The following CCDC141 variants were observed in gnomAD, a reference collection of about 807,000 sequenced individuals.
CCDC141 encodes the protein coiled-coil domain containing 141.
In CCDC141, 168 loss-of-function variants were observed where a neutral mutation model predicts 181.0. The observed-to-expected ratio is 0.93, with a 90% CI of 0.82 to 1.05. CCDC141 has a LOEUF of 1.05. Among genes scored for constraint, CCDC141 ranks in the 50% least tolerant of loss-of-function variants. The pLI is 0.00. For synonymous variants in CCDC141, 666 were observed against 642.3 expected (o/e 1.04, Z -0.56); for missense variants, 1,902 against 1,788.5 (o/e 1.06, Z -1.14).
chr2:178,904,279 T>C lies in CCDC141; in HGVS notation c.1265+1050A>G, dbSNP rs764337146. ...ACTTTTTGGCTTTTATTGGAAGACC[T>C]TGGATTATTTCTAATCTTAGTTGTG... On this transcript the variant is annotated intron_variant, in intron 8 of 23. Coordinates refer to ENST00000443758, the MANE Select transcript of CCDC141 (RefSeq NM_173648.4). Among the ~76,000 whole-genome samples, 42 of 152,332 alleles carry C rather than the reference T, an allele frequency of 2.8e-4. 1 individual carries two copies. Among genetic ancestry groups the C allele is most frequent in the Middle Eastern group, 3.4e-3 (1 of 294 alleles).
Position 179,002,477 on chromosome 2 carries a change from C to A in CCDC141, c.226-23802G>T, listed in dbSNP as rs1316914434. On this transcript the variant is annotated intron_variant, in intron 2 of 23. Coordinates refer to ENST00000443758, the MANE Select transcript of CCDC141 (RefSeq NM_173648.4). ...GGCCCAAAAGAGCTAGCAGAATCCA[C>A]AAACTTTTCAATCTCTCTAAAAAAA... The A allele has an allele frequency of 7.3e-6, 3 of 410,504 alleles. No homozygotes were observed. The East Asian group carries it at 2.5e-4, about 34-fold the overall frequency. The allele number at this position is 410,504 out of a possible 1,614,324, so 25.4% of individuals were successfully genotyped here. A position where few individuals can be genotyped will look rare whatever the true frequency, so the allele number is the denominator to read the frequency against.
chr2:178,867,889 A>C, intron 16 of CCDC141, 137 bp downstream of exon 16: 1 of 671,990 alleles, frequency 1.5e-6, no homozygotes, highest in Non-Finnish European at 2.3e-6. Flanking sequence ...GTAGAAATGA[A>C]TCACAAATAA....
intron 7 of CCDC141, among the ~76,000 whole-genome samples, chr2:178,908,707 C>A (rs1041388274): frequency 1.3e-5 from 2 of 152,148 alleles, no homozygotes; most frequent in Non-Finnish European, 2.9e-5. Flanking sequence ...TGCCTTTCTT[C>A]CTTAAGATAA....
chr2:178,959,360 G>T (rs1036598374), intron 5 of CCDC141, among the ~76,000 whole-genome samples: 7 of 151,832 alleles, frequency 4.6e-5, no homozygotes, highest in Non-Finnish European at 8.8e-5. Context: ...ATAAAAGGAA[G>T]GTTCCTTTAA....
intron 2 of CCDC141, among the ~76,000 whole-genome samples, chr2:179,019,323 A>T (rs1010715946): frequency 6.6e-6 from 1 of 151,306 alleles, no homozygotes; most frequent in Non-Finnish European, 1.5e-5. Flanking sequence ...TTATATTTAT[A>T]AAAAAAAAGA....
At chr2:179,029,355 C>CA (rs1251237060) in intron 2 of CCDC141, among the ~76,000 whole-genome samples, 1 of 152,114 alleles carries the variant, frequency 6.6e-6, no homozygotes, top group Non-Finnish European at 1.5e-5. Context: ...CATTGTGGGA[C>CA]TTGGGCATAG....
intron 2 of CCDC141, among the ~76,000 whole-genome samples, chr2:179,023,229 T>G (rs2042737565): frequency 1.3e-5 from 2 of 152,196 alleles, no homozygotes; most frequent in Non-Finnish European, 2.9e-5. Context: ...AAGCCTTGTT[T>G]CAAATTCTTT....
At chr2:179,009,767 A>G (rs945646919) in intron 2 of CCDC141, among the ~76,000 whole-genome samples, 8 of 152,110 alleles carry the variant, frequency 5.3e-5, no homozygotes, top group Non-Finnish European at 1.0e-4. Context: ...AAAAAATCAC[A>G]TTAGTTCACC....
intron 18 of CCDC141, among the ~76,000 whole-genome samples, 197 bp downstream of exon 18, chr2:178,856,060 C>G (rs913760689): frequency 6.6e-6 from 1 of 151,978 alleles, no homozygotes; most frequent in Admixed American, 6.6e-5. Flanking sequence ...GGATCTGCCT[C>G]AAGAGGTAAA....
At chr2:178,899,997 G>A (rs1156927532) in intron 8 of CCDC141, among the ~76,000 whole-genome samples, 2 of 152,068 alleles carry the variant, frequency 1.3e-5, no homozygotes, top group African/African-American at 4.8e-5. Context: ...TTTTTAATGG[G>A]TTTTTATTCT....
In CCDC141 at chr2:178,978,589, G is replaced by A. The variant is rs1399362726; in HGVS notation, c.312C>T (p.Ala104=). Reference sequence around the variant, plus strand: ...ATGCTTCACCCAGAGTCTCGGCCATGGCATCATAGACCTGACTCTGATCCT... The same window carrying A: ...ATGCTTCACCCAGAGTCTCGGCCATAGCATCATAGACCTGACTCTGATCCT... The part of the protein sequence containing the change: ...ENKDQSQVYD[A]MAETLGEAWA... Residue 104 remains alanine, a synonymous_variant, in exon 3 of 24, where the codon GCC becomes GCT. Transcript: ENST00000443758. 19 of 1,549,898 alleles carry A rather than the reference G, an allele frequency of 1.2e-5. No homozygotes were observed. Among genetic ancestry groups the A allele is most frequent in the Non-Finnish European group, 1.5e-5 (17 of 1,146,666 alleles).
chr2:179,012,235 A>T (rs183671515), intron 2 of CCDC141, among the ~76,000 whole-genome samples: 2 of 152,292 alleles, frequency 1.3e-5, no homozygotes, highest in East Asian at 3.9e-4. Context: ...AGCAAGATTA[A>T]CCAAGAAAAG....
At chr2:178,860,320 G>T (rs906603292) in intron 17 of CCDC141, among the ~76,000 whole-genome samples, 3 of 151,812 alleles carry the variant, frequency 2.0e-5, no homozygotes, top group Non-Finnish European at 4.4e-5. Context: ...ATCACCAGAG[G>T]TCAGGAGTTC....
At chr2:178,828,324 C>G (rs1008549099), downstream of CCDC141, among the ~76,000 whole-genome samples, 1 of 152,150 alleles carries the variant, frequency 6.6e-6, no homozygotes. Context: ...TTTATCCCTT[C>G]CAGTTTTACA....
chr2:178,967,609 AC>A (rs1029606901), intron 4 of CCDC141, among the ~76,000 whole-genome samples: 22 of 152,340 alleles, frequency 1.4e-4, no homozygotes, highest in African/African-American at 4.8e-4. Flanking sequence ...ATGGAAAGGA[AC>A]AACTTGTACC....
At chr2:179,028,143 G>A (rs1051804017) in intron 2 of CCDC141, among the ~76,000 whole-genome samples, 1 of 152,116 alleles carries the variant, frequency 6.6e-6, no homozygotes, top group Non-Finnish European at 1.5e-5. Flanking sequence ...TACAAGGCTG[G>A]TAACTCCACC....
intron 7 of CCDC141, among the ~76,000 whole-genome samples, chr2:178,908,482 G>A (rs558079412): frequency 3.3e-5 from 5 of 152,234 alleles, no homozygotes; most frequent in South Asian, 4.2e-4. Flanking sequence ...GTGAGCCACC[G>A]CGCCCAGCCG....
chr2:178,860,378 CA>C (rs1340584870), intron 17 of CCDC141, among the ~76,000 whole-genome samples: 1 of 151,324 alleles, frequency 6.6e-6, no homozygotes, highest in Non-Finnish European at 1.5e-5. Context: ...ACTAAAAATA[CA>C]AAAATCAGCT....
chr2:178,969,510 C>T (rs1203736337), intron 4 of CCDC141, among the ~76,000 whole-genome samples: 3 of 152,092 alleles, frequency 2.0e-5, no homozygotes, highest in Admixed American at 6.5e-5. Flanking sequence ...ATAAACAGAA[C>T]CAATGACAAA....
Sources: gnomAD v4.1 joint callset for allele counts (sites outside exome capture counted in the v4.1 genomes callset) on GRCh38, gnomAD v4.1.1 for gene constraint, MANE v1.5 for transcripts, NCBI Gene and HGNC (gene_info 2026-07-23, HGNC 2026-07-21) for gene names.